Variants in CDK7 observed in about 807,000 individuals in gnomAD.
CDK7 encodes cyclin dependent kinase 7, also known as cyclin-dependent kinase 7.
A neutral mutation model predicts 49.1 loss-of-function variants in CDK7; 25 were observed. The ratio of observed to expected loss-of-function variants is 0.51; its 90% CI spans 0.37 to 0.71. CDK7 has a LOEUF of 0.71. Ranked by LOEUF, CDK7 falls within the 30% of genes least tolerant of loss-of-function variation. The pLI is 0.00. For missense variants in CDK7, 316 were observed against 411.7 expected (o/e 0.77, Z 2.01); for synonymous variants, 107 against 140.0 (o/e 0.76, Z 1.67).
chr5:69,243,680 T>C (rs952598183), intron 2 of CDK7, among the ~76,000 whole-genome samples: 2 of 152,298 alleles, frequency 1.3e-5, no homozygotes, highest in African/African-American at 4.8e-5. Context: ...ATGTCATTGG[T>C]ATATTGATAG....
At chr5:69,244,817 G>A (rs1031677646) in intron 2 of CDK7, among the ~76,000 whole-genome samples, 20 of 152,016 alleles carry the variant, frequency 1.3e-4, no homozygotes, top group African/African-American at 4.8e-4. Flanking sequence ...CTGACCATGG[G>A]TCTGTAGTAT....
chr5:69,254,577 C>G, intron 3 of CDK7, 25 bp from the exon 4 acceptor site: 2 of 1,011,960 alleles, frequency 2.0e-6, no homozygotes, highest in Non-Finnish European at 3.1e-6. Flanking sequence ...GAATTATTCA[C>G]TTTTTGCTTT....
intron 5 of CDK7, among the ~76,000 whole-genome samples, chr5:69,256,821 C>T (rs1750521817): frequency 2.0e-5 from 3 of 151,904 alleles, no homozygotes; most frequent in Admixed American, 1.3e-4. Flanking sequence ...CACCATTGCA[C>T]TCCATCCTGG....
intron 8 of CDK7, among the ~76,000 whole-genome samples, chr5:69,263,782 C>T (rs1176050363): frequency 6.6e-6 from 1 of 152,100 alleles, no homozygotes; most frequent in African/African-American, 2.4e-5. Context: ...TTCCATAGCC[C>T]CTAATGTTAT....
intron 2 of CDK7, among the ~76,000 whole-genome samples, chr5:69,246,230 A>G (rs576551084): frequency 6.6e-6 from 1 of 152,018 alleles, no homozygotes; most frequent in Admixed American, 6.6e-5. Context: ...TCCGCCTCCC[A>G]GGTTCAAGTG....
Position 69,277,172 on chromosome 5 carries a change from T to C in CDK7, c.*37T>C, listed in dbSNP as rs1752242907. 6.6e-7 allele frequency: 1 copy of C among 1,523,738 alleles called. No homozygotes were observed. The highest frequency in any genetic ancestry group is 2.3e-5 in the East Asian group (1 of 43,316). The allele number at this position is 1,523,738 out of a possible 1,614,324, so 94.4% of individuals were successfully genotyped here. Reference sequence around the variant, plus strand: ...GACAACATTTTACTACTGAGGGAAATAGCCAAAAAGGCAAATAATGGAAAA... The same window carrying C: ...GACAACATTTTACTACTGAGGGAAACAGCCAAAAAGGCAAATAATGGAAAA... On this transcript the variant is annotated 3_prime_UTR_variant, in exon 12 of 12. Transcript: ENST00000256443.
intron 1 of CDK7, 59 bp from the exon 2 acceptor site, chr5:69,235,335 G>T: frequency 1.6e-6 from 2 of 1,286,904 alleles, no homozygotes; most frequent in South Asian, 1.2e-5. Flanking sequence ...ATGTAAAAAT[G>T]CAAAAAGGCA....
In CDK7 at chr5:69,276,621, G is replaced by A; in HGVS notation, c.943G>A (p.Glu315Lys). The A allele has an allele frequency of 6.2e-7, 1 of 1,614,048 alleles. No individual in the cohort carries two copies. The highest frequency in any genetic ancestry group is 8.5e-7 in the Non-Finnish European group (1 of 1,179,992). ...CQLPRPNCPV[E>K]TLKEQSNPAL... Reference sequence around the variant, plus strand: ...GCTGCCAAGACCAAACTGTCCAGTGGAAACCTTAAAGGAGCAATCAAATCC... The same window carrying A: ...GCTGCCAAGACCAAACTGTCCAGTGAAAACCTTAAAGGAGCAATCAAATCC... The change falls in exon 11 of 12, where the codon GAA becomes AAA. Residue 315 changes from glutamate to lysine, a missense_variant. Transcript: ENST00000256443.
chr5:69,258,921 C>T (rs1365393091), intron 6 of CDK7, among the ~76,000 whole-genome samples: 1 of 151,904 alleles, frequency 6.6e-6, no homozygotes, highest in African/African-American at 2.4e-5. Flanking sequence ...ACAAAAAATA[C>T]AGAAATTAGC....
chr5:69,258,738 A>T (rs1750643270), intron 6 of CDK7, among the ~76,000 whole-genome samples: 1 of 151,624 alleles, frequency 6.6e-6, no homozygotes, highest in African/African-American at 2.4e-5. Context: ...CCATGGTTAT[A>T]TTTTTTTTCA....
At position 69,265,767 on chromosome 5, in the gene CDK7, G is replaced by A. The variant is rs148022641; in HGVS notation, c.628-3440G>A. Among the ~76,000 whole-genome samples the A allele has an allele frequency of 1.5e-3, 234 of 152,140 alleles. 1 individual carries two copies. The highest frequency in any genetic ancestry group is 2.5e-3 in the Non-Finnish European group (167 of 67,988). ...TCTACCAAAAATACAAAAATTAGCC[G>A]GGCATGGTATTGAGTGCGTGTTTTC... On this transcript the variant is annotated intron_variant, in intron 8 of 11. Transcript: ENST00000256443.
In CDK7 at chr5:69,277,430, A is replaced by G; in HGVS notation, c.*295A>G. The G allele has an allele frequency of 3.9e-6, 1 of 256,972 alleles. No individual in the cohort carries two copies. Among genetic ancestry groups the G allele is most frequent in the Non-Finnish European group, 7.4e-6 (1 of 135,402 alleles). 15.9% of individuals were successfully genotyped at this position (256,972 alleles called of 1,614,324 possible). A position where few individuals can be genotyped will look rare whatever the true frequency, so the allele number is the denominator to read the frequency against. The stretch of plus-strand genomic sequence containing the variant: ...TATTACCAGTTATTTGGAAGATCTG[A>G]CCCATATAGTATCACAAATCTGTAG... On this transcript the variant is annotated 3_prime_UTR_variant, in exon 12 of 12. Transcript: ENST00000256443.
chr5:69,252,026 C>T (rs1188775177), intron 2 of CDK7, among the ~76,000 whole-genome samples: 1 of 151,564 alleles, frequency 6.6e-6, no homozygotes, highest in East Asian at 1.9e-4. Flanking sequence ...TATTATTGGG[C>T]TTATTACCAA....
At chr5:69,251,748 G>T (rs1750160779) in intron 2 of CDK7, among the ~76,000 whole-genome samples, 1 of 152,118 alleles carries the variant, frequency 6.6e-6, no homozygotes. Flanking sequence ...GCCCAGGCTG[G>T]TCTTAAACTC....
At chr5:69,252,493 CCTTTTTT>C in intron 3 of CDK7, 42 bp downstream of exon 3, 2 of 429,966 alleles carry the variant, frequency 4.7e-6, no homozygotes, top group South Asian at 4.6e-5. Flanking sequence ...AAAGTTTTCT[CCTTTTTT>C]TTTTTTTTTT....
chr5:69,260,091 G>C (rs1750720893), intron 7 of CDK7, among the ~76,000 whole-genome samples, 155 bp downstream of exon 7: 1 of 152,210 alleles, frequency 6.6e-6, no homozygotes, highest in Non-Finnish European at 1.5e-5. Context: ...ACTCATGCCT[G>C]TAATCCCAGC....
chr5:69,273,295 CTA>C (rs1751751999), intron 10 of CDK7, among the ~76,000 whole-genome samples: 1 of 150,816 alleles, frequency 6.6e-6, no homozygotes, highest in Admixed American at 6.6e-5. Flanking sequence ...AAATACATGT[CTA>C]TTTCACATAA....
chr5:69,274,329 G>C (rs1052971669), intron 10 of CDK7, among the ~76,000 whole-genome samples: 1 of 152,166 alleles, frequency 6.6e-6, no homozygotes, highest in Non-Finnish European at 1.5e-5. Flanking sequence ...TGATTTAGAA[G>C]TAATGCTTTA....
chr5:69,265,587 T>TGA (rs1229056815), intron 8 of CDK7, among the ~76,000 whole-genome samples: 1 of 152,208 alleles, frequency 6.6e-6, no homozygotes, highest in Non-Finnish European at 1.5e-5. Flanking sequence ...CAGTTTGCTC[T>TGA]GAGGGTAACT....
Sources: gnomAD v4.1 joint callset for allele counts (sites outside exome capture counted in the v4.1 genomes callset) on GRCh38, gnomAD v4.1.1 for gene constraint, MANE v1.5 for transcripts, NCBI Gene and HGNC (gene_info 2026-07-23, HGNC 2026-07-21) for gene names.